NAALADL2: variants seen among roughly 807,000 people sequenced by gnomAD.
The protein encoded by NAALADL2 is inactive N-acetylated-alpha-linked acidic dipeptidase-like protein 2.
Under a neutral mutation model 87.2 loss-of-function variants are expected in NAALADL2, and 76 were observed. That is an observed-to-expected ratio of 0.87 (90% CI 0.72 to 1.05). The LOEUF (loss-of-function observed/expected upper bound fraction) is 1.05. Ranked by LOEUF, NAALADL2 falls within the 50% of genes least tolerant of loss-of-function variation. The pLI is 0.00. For synonymous variants in NAALADL2, 354 were observed against 331.0 expected (o/e 1.07, Z -0.75); for missense variants, 1,089 against 945.8 (o/e 1.15, Z -1.99).
chr3:175,142,974 AT>A (rs1439096479), intron 2 of NAALADL2, among the ~76,000 whole-genome samples: 1 of 151,946 alleles, frequency 6.6e-6, no homozygotes, highest in East Asian at 1.9e-4. Context: ...TAAAATATAT[AT>A]TTAAATTGGA....
chr3:174,826,889 A>G (rs1392655255), intron 3 of NAALADL2, among the ~76,000 whole-genome samples: 1 of 152,204 alleles, frequency 6.6e-6, no homozygotes, highest in Non-Finnish European at 1.5e-5. Context: ...TAATAATTCT[A>G]GTAATTAAAA....
At position 174,912,440 on chromosome 3, in the gene NAALADL2, G is replaced by A. The variant is rs76416876; in HGVS notation, c.43+52990G>A. Among the ~76,000 whole-genome samples, 63 of 152,108 alleles carry A rather than the reference G, an allele frequency of 4.1e-4. No homozygotes were observed. The East Asian group carries it at 0.011, about 27-fold the overall frequency. On this transcript the variant is annotated intron_variant, in intron 1 of 13. Coordinates refer to ENST00000454872, the MANE Select transcript of NAALADL2 (RefSeq NM_207015.3). ...TAGGGGAAGAAAACGTTTGTAAATC[G>A]TCAGTACATGGACACCCTAAGGCTG...
chr3:174,617,115 C>A (rs1457606027), intron 2 of NAALADL2, among the ~76,000 whole-genome samples: 1 of 151,624 alleles, frequency 6.6e-6, no homozygotes, highest in Non-Finnish European at 1.5e-5. Context: ...ATGAAACATA[C>A]CTACTGCTTT....
Position 175,796,306 on chromosome 3 carries a change from T to A in NAALADL2, c.2190-6699T>A, listed in dbSNP as rs573716491. Reference sequence around the variant, plus strand: ...AAGTAGTCTGTGCCTCTTGATGGAATGAGCTGCAAAGTCTTATTTTAAAGG... The same window carrying A: ...AAGTAGTCTGTGCCTCTTGATGGAAAGAGCTGCAAAGTCTTATTTTAAAGG... On this transcript the variant is annotated intron_variant, in intron 13 of 13. Transcript: ENST00000454872. Among the ~76,000 whole-genome samples the A allele has an allele frequency of 2.1e-4, 32 of 152,284 alleles. No individual in the cohort carries two copies. The South Asian group carries it at 6.6e-3, about 32-fold the overall frequency.
intron 10 of NAALADL2, among the ~76,000 whole-genome samples, chr3:175,613,261 A>G (rs1724887283): frequency 6.6e-6 from 1 of 152,222 alleles, no homozygotes; most frequent in African/African-American, 2.4e-5. Context: ...TAAACAGTCC[A>G]AACTCCATGT....
chr3:175,648,887 T>A (rs192739593), intron 11 of NAALADL2, among the ~76,000 whole-genome samples: 3 of 152,228 alleles, frequency 2.0e-5, no homozygotes, highest in Non-Finnish European at 4.4e-5. Flanking sequence ...GTCTTCTCTC[T>A]TCATACCTTC....
intron 12 of NAALADL2, among the ~76,000 whole-genome samples, chr3:175,747,861 A>T (rs1481272853): frequency 1.3e-5 from 2 of 152,216 alleles, no homozygotes; most frequent in Non-Finnish European, 2.9e-5. Flanking sequence ...TATAGGTCAC[A>T]AAAGAGCCCA....
At chr3:175,117,808 G>A (rs1426334836) in intron 2 of NAALADL2, among the ~76,000 whole-genome samples, 2 of 151,760 alleles carry the variant, frequency 1.3e-5, no homozygotes, top group Non-Finnish European at 2.9e-5. Flanking sequence ...TATAAGACAT[G>A]TGCACACGTA....
chr3:175,667,237 A>AAGAAAGAG (rs1733265766), intron 11 of NAALADL2, among the ~76,000 whole-genome samples: 3 of 100,168 alleles, frequency 3.0e-5, no homozygotes, highest in Non-Finnish European at 5.6e-5. Flanking sequence ...GAAAGAAAGA[A>AAGAAAGAG]AGAAAAAGAA....
chr3:175,574,869 T>A (rs62285569), intron 9 of NAALADL2, among the ~76,000 whole-genome samples: 100 of 152,160 alleles, frequency 6.6e-4, no homozygotes, highest in African/African-American at 2.3e-3. Flanking sequence ...GAGTACATAC[T>A]TTATGCGCTT....
chr3:175,367,979 A>C (rs1165963992), intron 5 of NAALADL2, among the ~76,000 whole-genome samples: 1 of 152,092 alleles, frequency 6.6e-6, no homozygotes, highest in Non-Finnish European at 1.5e-5. Context: ...TCATTATGAT[A>C]TTGGCTGTGG....
At chr3:174,696,149 T>A (rs1291462255) in intron 2 of NAALADL2, among the ~76,000 whole-genome samples, 1 of 152,058 alleles carries the variant, frequency 6.6e-6, no homozygotes, top group Non-Finnish European at 1.5e-5. Flanking sequence ...TGAGGTGTAA[T>A]GGGAAGTATT....
At chr3:174,788,458 C>A (rs181967387) in intron 3 of NAALADL2, among the ~76,000 whole-genome samples, 14 of 152,272 alleles carry the variant, frequency 9.2e-5, no homozygotes, top group African/African-American at 3.1e-4. Context: ...AGGGGTCAAC[C>A]AGTTTGGTTT....
chr3:174,826,627 T>C (rs1278225999), intron 3 of NAALADL2, among the ~76,000 whole-genome samples: 4 of 152,210 alleles, frequency 2.6e-5, no homozygotes, highest in Non-Finnish European at 5.9e-5. Flanking sequence ...TTGGCAAAAT[T>C]ACTTAACTTT....
At chr3:175,634,983 G>A (rs1728308347) in intron 11 of NAALADL2, among the ~76,000 whole-genome samples, 1 of 151,974 alleles carries the variant, frequency 6.6e-6, no homozygotes, top group Non-Finnish European at 1.5e-5. Context: ...ACTCTTGGTT[G>A]GAGCTACTCA....
chr3:175,732,865 G>A (rs1743963934), intron 11 of NAALADL2, among the ~76,000 whole-genome samples: 1 of 147,038 alleles, frequency 6.8e-6, no homozygotes, highest in African/African-American at 2.5e-5. Flanking sequence ...GAGAACACAT[G>A]TACATGGGAG....
chr3:174,895,681 A>T (rs1414080253), intron 1 of NAALADL2, among the ~76,000 whole-genome samples: 1 of 152,134 alleles, frequency 6.6e-6, no homozygotes, highest in Non-Finnish European at 1.5e-5. Context: ...TTATTGTATG[A>T]GGCCATTATC....
chr3:175,685,626 C>A (rs564337454), intron 11 of NAALADL2, among the ~76,000 whole-genome samples: 22 of 151,968 alleles, frequency 1.4e-4, no homozygotes, highest in Non-Finnish European at 2.6e-4. Flanking sequence ...AGCTGAAGAC[C>A]CAGGAGAGCC....
intron 10 of NAALADL2, among the ~76,000 whole-genome samples, chr3:175,620,074 G>GA (rs34788490): frequency 0.66 from 96,911 of 147,530 alleles, 33,184 homozygotes; most frequent in East Asian, 0.86. Context: ...TCTCTTTTTG[G>GA]AAAAAAAAAA....
Sources: gnomAD v4.1 joint callset for allele counts (sites outside exome capture counted in the v4.1 genomes callset) on GRCh38, gnomAD v4.1.1 for gene constraint, MANE v1.5 for transcripts, NCBI Gene and HGNC (gene_info 2026-07-23, HGNC 2026-07-21) for gene names.